Variants in RBM34 observed in about 807,000 individuals in gnomAD.
RBM34 encodes RNA binding motif protein 34.
RBM34 carries 39 observed loss-of-function variants against 44.6 expected under a neutral mutation model. That is an observed-to-expected ratio of 0.87 (90% confidence interval 0.68 to 1.14). RBM34 has a LOEUF of 1.14. RBM34 is among the 50% of genes most tolerant of loss of function. The pLI, the probability that RBM34 is intolerant of heterozygous loss-of-function variation, is 0.00. For missense variants in RBM34, 572 were observed against 517.9 expected (o/e 1.10, Z -1.01); for synonymous variants, 194 against 184.0 (o/e 1.05, Z -0.44).
At chr1:235,150,892 G>T (rs74148656) in intron 5 of RBM34, among the ~76,000 whole-genome samples, 4,625 of 152,236 alleles carry the variant, frequency 0.03, 244 homozygotes, top group African/African-American at 0.11. Flanking sequence ...CTCCCCAAAG[G>T]GGAGAAGGCA....
At position 235,158,688 on chromosome 1, in the gene RBM34, C is replaced by G. The variant is rs563381921; in HGVS notation, c.365+1823G>C. 3.9e-5 allele frequency among the ~76,000 whole-genome samples: 6 copies of G among 152,160 alleles called. No individual in the cohort carries two copies. In the South Asian group the frequency reaches 1.2e-3, roughly 32 times the overall value. ...ACAGCTCCAGAACTGGTACAAAGGT[C>G]TTCAGTTGAAATGAGAAAAGGGAAA... On this transcript the variant is annotated intron_variant, in intron 3 of 10. Coordinates refer to ENST00000408888, the MANE Select transcript of RBM34 (RefSeq NM_015014.4).
Position 235,135,659 on chromosome 1 carries a change from A to G in RBM34, c.1001T>C (p.Leu334Pro). Residue 334 changes from leucine (L) to proline (P), a missense_variant, in exon 10 of 11, where the codon CTC becomes CCC. Leu to Pro is a moderately conservative substitution (Grantham distance 98). Transcript: ENST00000408888. ...TGIGKGFGYV[L>P]FENTDSVHLA... The stretch of plus-strand genomic sequence containing the variant: ...TGCATTAGTCTCCCATACCTCAAAG[A>G]GCACATAGCCAAACCCTTTGCCGAT... The G allele has an allele frequency of 1.2e-6, 2 of 1,613,052 alleles. No individual in the cohort carries two copies. The highest frequency in any genetic ancestry group is 1.7e-4 in the Middle Eastern group (1 of 6,060).
In RBM34 at chr1:235,154,938, T is replaced by C; in HGVS notation, c.540A>G (p.Arg180=). 6.2e-7 allele frequency: 1 copy of C among 1,614,142 alleles called. No individual in the cohort carries two copies. ...KKIQINQEEE[R]LKNERTVFVG... is the part of the protein sequence containing the mutation. Reference sequence around the variant, plus strand: ...CAAACACAGTTCTCTCATTCTTTAATCTCTCTTCTTCTTGGTTGATTTGAA... The same window carrying C: ...CAAACACAGTTCTCTCATTCTTTAACCTCTCTTCTTCTTGGTTGATTTGAA... Residue 180 remains arginine (R), a synonymous_variant, in exon 4 of 11, where the codon AGA becomes AGG. Transcript: ENST00000408888.
chr1:235,132,176 T>C (rs1661231659), intron 10 of RBM34, among the ~76,000 whole-genome samples, 179 bp from the exon 11 acceptor site: 1 of 151,964 alleles, frequency 6.6e-6, no homozygotes, highest in African/African-American at 2.4e-5. Flanking sequence ...TCGTCACCAG[T>C]GTTTCCTCAG....
At chr1:235,160,689 T>C (rs1409030348) in intron 2 of RBM34, 42 bp from the exon 3 acceptor site, 6 of 1,592,620 alleles carry the variant, frequency 3.8e-6, no homozygotes, top group Non-Finnish European at 5.1e-6. Context: ...CCCATACTTC[T>C]AGAATTCTGA....
chr1:235,161,053 T>C lies in RBM34; in HGVS notation c.68A>G (p.Asp23Gly), dbSNP rs1207173754. The change falls in exon 2 of 11, where the codon GAC (aspartate) becomes GGC (glycine). Residue 23 changes from aspartate (D) to glycine (G), a missense_variant. Physicochemically the swap from Asp to Gly is moderately conservative, Grantham distance 94. Transcript: ENST00000408888. Reference protein sequence around the residue: ...RSVQEGENPDDGVRGSPPEDY... With the variant: ...RSVQEGENPDGGVRGSPPEDY... ...TTCCGGCGGACTCCCGCGAACGCCG[T>C]CGTCAGGATTCTCTCTAGAAATGGA... 1 of 1,613,824 alleles carries C rather than the reference T, an allele frequency of 6.2e-7. No homozygotes were observed. Among genetic ancestry groups the C allele is most frequent in the East Asian group, 2.2e-5 (1 of 44,868 alleles).
chr1:235,158,824 C>T (rs1279662349), intron 3 of RBM34, among the ~76,000 whole-genome samples: 1 of 152,064 alleles, frequency 6.6e-6, no homozygotes, highest in Non-Finnish European at 1.5e-5. Flanking sequence ...CACTGTTAAA[C>T]AACGTTATGC....
chr1:235,135,636 C>A lies in RBM34; in HGVS notation c.1008+16G>T, dbSNP rs767671846. On this transcript the variant is annotated intron_variant, in intron 10 of 10. Coordinates refer to ENST00000408888, the MANE Select transcript of RBM34 (RefSeq NM_015014.4). ...GGCACTTCGAAGGACAGTGACAATG[C>A]ATTAGTCTCCCATACCTCAAAGAGC... 27 of 1,592,548 alleles carry A rather than the reference C, an allele frequency of 1.7e-5. No homozygotes were observed. In the Admixed American group the frequency reaches 3.0e-4, roughly 18 times the overall value.
At chr1:235,148,849 T>C (rs1371571041) in intron 5 of RBM34, among the ~76,000 whole-genome samples, 8 of 151,754 alleles carry the variant, frequency 5.3e-5, no homozygotes, top group Non-Finnish European at 1.2e-4. Flanking sequence ...CCGCCCACCT[T>C]GGCCTCCCAA....
rs1233603030 is a variant in RBM34 at position 235,160,538 on chromosome 1, G to GT, written c.337dup (p.Thr113AsnfsTer2). On this transcript the variant is annotated frameshift_variant, in exon 3 of 11. Transcript: ENST00000408888. LOFTEE classifies it high-confidence loss of function. Reference sequence around the variant, plus strand: ...GTCTGCCAACTTTTTTTCTGCGTTAGTGTGTTTCTTCTTCGCTTTCACTTT... The same window carrying GT: ...GTCTGCCAACTTTTTTTCTGCGTTAGTTGTGTTTCTTCTTCGCTTTCACTTT... The GT allele has an allele frequency of 6.2e-7, 1 of 1,613,470 alleles. No individual in the cohort carries two copies. Among genetic ancestry groups the GT allele is most frequent in the Non-Finnish European group, 8.5e-7 (1 of 1,179,878 alleles).
intron 5 of RBM34, among the ~76,000 whole-genome samples, chr1:235,151,614 G>C (rs1224700294): frequency 6.6e-6 from 1 of 152,080 alleles, no homozygotes; most frequent in Non-Finnish European, 1.5e-5. Flanking sequence ...GACCATGGAT[G>C]TTACTAAACA....
rs771766163 is a variant in RBM34, at chr1:235,135,811, A to T, written c.890-41T>A. On this transcript the variant is annotated intron_variant, in intron 9 of 10. Transcript: ENST00000408888. ...ATCAAAATGGAAGTAAAGAGTTGGG[A>T]GCCCCTCAGAAACATGGAGTTGTTT... The T allele has an allele frequency of 3.9e-6, 6 of 1,538,730 alleles. No homozygotes were observed. In the Admixed American group the frequency reaches 5.0e-5, roughly 13 times the overall value.
In RBM34 at chr1:235,136,077, A is replaced by C. The variant is rs1382055079; in HGVS notation, c.850-4T>G. 6.3e-7 allele frequency: 1 copy of C among 1,598,344 alleles called. No individual in the cohort carries two copies. Among genetic ancestry groups the C allele is most frequent in the African/African-American group, 1.3e-5 (1 of 74,676 alleles). ...CAAAAACCGATCTCTTGTCTCTCTG[A>C]AACAAAAAGACAGTTAATAAAAATC... On this transcript the variant is annotated splice_polypyrimidine_tract_variant and splice_region_variant and intron_variant, in intron 8 of 10. Transcript: ENST00000408888.
intron 5 of RBM34, 90 bp downstream of exon 5, chr1:235,152,616 C>A: frequency 1.9e-6 from 3 of 1,550,220 alleles, no homozygotes; most frequent in Non-Finnish European, 2.6e-6. Flanking sequence ...GGTTAAAGTG[C>A]TTCACCATCT....
chr1:235,159,121 G>A (rs999004076), intron 3 of RBM34, among the ~76,000 whole-genome samples: 1 of 151,888 alleles, frequency 6.6e-6, no homozygotes, highest in Non-Finnish European at 1.5e-5. Context: ...GCTGAGGTGG[G>A]CGGCTGGATT....
At chr1:235,151,259 C>A (rs1662147199) in intron 5 of RBM34, among the ~76,000 whole-genome samples, 2 of 152,056 alleles carry the variant, frequency 1.3e-5, no homozygotes, top group African/African-American at 4.8e-5. Flanking sequence ...GCCTGGGTGC[C>A]ACTAAATACC....
chr1:235,141,685 C>T (rs997333631), intron 6 of RBM34, among the ~76,000 whole-genome samples: 2 of 152,168 alleles, frequency 1.3e-5, no homozygotes, highest in Non-Finnish European at 1.5e-5. Flanking sequence ...ACACTCACCG[C>T]AAAGATCTGC....
chr1:235,138,140 CAT>C lies in RBM34; in HGVS notation c.734_735del (p.Asn245SerfsTer6), dbSNP rs1661505494. ...CTCTCCTCCTTAAACACAACATAGG[CAT>C]TAATATTTTTCTGATCAGGATGAAT... ...RKIHPDQKNI[N>X]AYVVFKEESA... On this transcript the variant is annotated frameshift_variant, in exon 7 of 11. Transcript: ENST00000408888. LOFTEE classifies it high-confidence loss of function. The C allele has an allele frequency of 1.2e-6, 2 of 1,601,976 alleles. No homozygotes were observed. Among genetic ancestry groups the C allele is most frequent in the Non-Finnish European group, 1.7e-6 (2 of 1,176,022 alleles).
intron 10 of RBM34, 100 bp from the exon 11 acceptor site, chr1:235,132,097 T>C: frequency 8.6e-7 from 1 of 1,167,988 alleles, no homozygotes; most frequent in Non-Finnish European, 1.2e-6. Flanking sequence ...CTTTCAAGCT[T>C]GCACAGATAA....
Sources: allele counts gnomAD v4.1 joint callset (sites outside exome capture counted in the v4.1 genomes callset), GRCh38; gene constraint gnomAD v4.1.1; transcripts MANE v1.5; gene names NCBI Gene and HGNC (gene_info 2026-07-23, HGNC 2026-07-21).